CSMD1: variants seen among roughly 807,000 people sequenced by gnomAD.
The protein encoded by CSMD1 is CUB and Sushi multiple domains 1.
In CSMD1, 213 loss-of-function variants were observed where a neutral mutation model predicts 417.5. The ratio of observed to expected loss-of-function variants is 0.51; its 90% CI spans 0.46 to 0.57. The LOEUF is 0.57. Among genes scored for constraint, CSMD1 ranks in the 20% least tolerant of loss-of-function variants. The pLI is 0.00. For synonymous variants in CSMD1, 2,862 were observed against 1,736.8 expected, an observed-to-expected ratio of 1.65 and a Z score of -16.11; for missense variants, 6,923 against 4,529.7, an observed-to-expected ratio of 1.53 and a Z score of -15.17.
chr8:4,790,849 C>T (rs545742377), intron 1 of CSMD1, among the ~76,000 whole-genome samples: 1 of 152,250 alleles, frequency 6.6e-6, no homozygotes, highest in East Asian at 1.9e-4. Flanking sequence ...GAATTAAAGA[C>T]TTAAACGGAA....
chr8:3,845,651 T>C (rs564006620), intron 5 of CSMD1, among the ~76,000 whole-genome samples: 1 of 152,090 alleles, frequency 6.6e-6, no homozygotes, highest in Admixed American at 6.6e-5. Context: ...CATTTAAACA[T>C]TTTTTTGTCT....
rs569402455 is a variant in CSMD1, at chr8:3,787,024, T to G, written c.819-32982A>C. ...GAGGGTCAGGATCTGAAGTCTAACT[T>G]AAGTAACTTCTATGTGTGAAGTGTC... On this transcript the variant is annotated intron_variant, in intron 5 of 69. Transcript: ENST00000635120. Among the ~76,000 whole-genome samples the G allele has an allele frequency of 7.9e-5, 12 of 152,260 alleles. No individual in the cohort carries two copies. In the South Asian group the frequency reaches 2.3e-3, roughly 29 times the overall value.
intron 49 of CSMD1, among the ~76,000 whole-genome samples, chr8:3,058,377 T>C (rs768340477): frequency 1.3e-5 from 2 of 152,174 alleles, no homozygotes; most frequent in African/African-American, 4.8e-5. Context: ...TATTTGTGGG[T>C]AGACAGTAAA....
intron 1 of CSMD1, among the ~76,000 whole-genome samples, chr8:4,646,002 T>G (rs1803493951): frequency 6.6e-6 from 1 of 152,218 alleles, no homozygotes; most frequent in South Asian, 2.1e-4. Flanking sequence ...AAGCACTGTT[T>G]TATTCACGAT....
At chr8:4,263,462 G>A (rs546554395) in intron 3 of CSMD1, among the ~76,000 whole-genome samples, 2 of 152,148 alleles carry the variant, frequency 1.3e-5, no homozygotes, top group Non-Finnish European at 2.9e-5. Flanking sequence ...TGACATAGTT[G>A]TTCCTTCCAA....
chr8:3,622,904 T>G (rs1055691168), intron 7 of CSMD1, among the ~76,000 whole-genome samples: 3 of 152,184 alleles, frequency 2.0e-5, no homozygotes, highest in Admixed American at 6.5e-5. Flanking sequence ...CAGAGAAACA[T>G]TTTCAAAGAG....
At chr8:4,306,952 C>A (rs900734804) in intron 3 of CSMD1, among the ~76,000 whole-genome samples, 4 of 152,092 alleles carry the variant, frequency 2.6e-5, no homozygotes, top group Non-Finnish European at 4.4e-5. Context: ...TCGATCCTAC[C>A]CCCAAGCATC....
At chr8:3,749,893 T>A (rs1247225020) in intron 6 of CSMD1, among the ~76,000 whole-genome samples, 2 of 152,190 alleles carry the variant, frequency 1.3e-5, no homozygotes, top group Non-Finnish European at 2.9e-5. Context: ...GGGGACATTC[T>A]CTGTACCTAT....
intron 2 of CSMD1, among the ~76,000 whole-genome samples, chr8:4,595,131 T>C (rs1333874688): frequency 6.6e-6 from 1 of 152,156 alleles, no homozygotes; most frequent in Non-Finnish European, 1.5e-5. Flanking sequence ...TTTGGAATTC[T>C]GAGCATCCTC....
At chr8:3,168,299 T>C (rs1820359371) in intron 37 of CSMD1, among the ~76,000 whole-genome samples, 2 of 152,190 alleles carry the variant, frequency 1.3e-5, no homozygotes, top group African/African-American at 2.4e-5. Flanking sequence ...TTGGCTGTAG[T>C]GTTTATTGTA....
At chr8:3,839,573 A>C (rs1238258824) in intron 5 of CSMD1, among the ~76,000 whole-genome samples, 1 of 119,084 alleles carries the variant, frequency 8.4e-6, no homozygotes, top group Non-Finnish European at 1.8e-5. Context: ...ATATAATATT[A>C]ATTTATTATA....
At chr8:3,939,479 C>A (rs1364608898) in intron 5 of CSMD1, among the ~76,000 whole-genome samples, 1 of 152,086 alleles carries the variant, frequency 6.6e-6, no homozygotes, top group Non-Finnish European at 1.5e-5. Flanking sequence ...AAAAGTAGAA[C>A]TACCATGTGA....
At chr8:4,503,508 G>A (rs1802365372) in intron 2 of CSMD1, among the ~76,000 whole-genome samples, 1 of 152,020 alleles carries the variant, frequency 6.6e-6, no homozygotes, top group African/African-American at 2.4e-5. Context: ...GAAAATCCAA[G>A]CACTCACACC....
intron 1 of CSMD1, among the ~76,000 whole-genome samples, chr8:4,741,991 C>A (rs1457097306): frequency 7.3e-6 from 1 of 136,382 alleles, no homozygotes; most frequent in East Asian, 2.1e-4. Context: ...GCACGCACCA[C>A]CACACCCACT....
At chr8:3,903,930 T>C (rs1563195751) in intron 5 of CSMD1, among the ~76,000 whole-genome samples, 1 of 152,108 alleles carries the variant, frequency 6.6e-6, no homozygotes, top group South Asian at 2.1e-4. Flanking sequence ...ACCTCTTTGG[T>C]TCACTATTTG....
intron 26 of CSMD1, among the ~76,000 whole-genome samples, chr8:3,248,358 C>G (rs530135658): frequency 6.6e-6 from 1 of 151,964 alleles, no homozygotes; most frequent in Non-Finnish European, 1.5e-5. Context: ...TTAAAATATC[C>G]CAATTTGAAT....
intron 10 of CSMD1, among the ~76,000 whole-genome samples, chr8:3,551,098 A>G (rs1264969246): frequency 6.6e-6 from 1 of 152,196 alleles, no homozygotes; most frequent in Admixed American, 6.5e-5. Context: ...GTAGCAGTTA[A>G]GAGAGTAGAC....
In CSMD1 at chr8:3,562,016, C is replaced by G. The variant is rs573427975; in HGVS notation, c.1344+12929G>C. On this transcript the variant is annotated intron_variant, in intron 10 of 69. Coordinates refer to ENST00000635120, the MANE Select transcript of CSMD1 (RefSeq NM_033225.6). The stretch of plus-strand genomic sequence containing the variant: ...GTCAGAAACTTTGTGAAGGAGGAGT[C>G]CTGACTTTACACATCACTACCACCC... Among the ~76,000 whole-genome samples, 19 of 152,116 alleles carry G rather than the reference C, an allele frequency of 1.2e-4. No individual in the cohort carries two copies. In the South Asian group the frequency reaches 3.7e-3, roughly 30 times the overall value.
At position 3,154,475 on chromosome 8, in the gene CSMD1, T is replaced by C. The variant is rs375246201; in HGVS notation, c.5915-2962A>G. On this transcript the variant is annotated intron_variant, in intron 39 of 69. Coordinates refer to ENST00000635120, the MANE Select transcript of CSMD1 (RefSeq NM_033225.6). ...TTGTAAAGGGAAAGGAGTTTATTTT[T>C]ATAAAATGGCTAGAGACCTTATATT... 1.2e-4 allele frequency among the ~76,000 whole-genome samples: 18 copies of C among 152,360 alleles called. 1 individual carries two copies. The East Asian group carries it at 1.3e-3, about 11-fold the overall frequency.
Sources: allele counts gnomAD v4.1 joint callset (sites outside exome capture counted in the v4.1 genomes callset), GRCh38; gene constraint gnomAD v4.1.1; transcripts MANE v1.5; gene names NCBI Gene and HGNC (gene_info 2026-07-23, HGNC 2026-07-21).